PHYH: variants seen among roughly 807,000 people sequenced by gnomAD.
The protein encoded by PHYH is phytanoyl-CoA dioxygenase, peroxisomal.
A neutral mutation model predicts 38.5 loss-of-function variants in PHYH; 32 were observed. The observed-to-expected ratio is 0.83, with a 90% confidence interval of 0.63 to 1.12. The LOEUF (loss-of-function observed/expected upper bound fraction) is 1.12, where lower values mean the gene tolerates loss of function less well. PHYH is among the 50% of genes most tolerant of loss of function. PHYH has a pLI of 0.00. For synonymous variants in PHYH, 166 were observed against 157.9 expected, an observed-to-expected ratio of 1.05 and a Z score of -0.38; for missense variants, 426 against 434.8, an observed-to-expected ratio of 0.98 and a Z score of 0.18.
intron 1 of PHYH, 121 bp downstream of exon 1, chr10:13,299,847 C>G: frequency 7.5e-7 from 1 of 1,330,846 alleles, no homozygotes; most frequent in Non-Finnish European, 9.6e-7. Context: ...CGGCGCTGAG[C>G]GAGGAGGCGC....
rs1835331825 is a variant in PHYH at position 13,278,135 on chromosome 10, A to G, written c.*166T>C. 7.8e-6 allele frequency: 5 copies of G among 644,142 alleles called. No homozygotes were observed. The East Asian group carries it at 1.4e-4, about 18-fold the overall frequency. The allele number at this position is 644,142 out of a possible 1,614,324, so 39.9% of individuals were successfully genotyped here. On this transcript the variant is annotated 3_prime_UTR_variant, in exon 9 of 9. Coordinates refer to ENST00000263038, the MANE Select transcript of PHYH (RefSeq NM_006214.4). ...TGTTTTTTTTTTCCATTAAAGCAAC[A>G]CCATTGTGCTGCAAAACTAACTCTA...
At chr10:13,281,424 T>C (rs891265059) in intron 7 of PHYH, among the ~76,000 whole-genome samples, 2 of 152,100 alleles carry the variant, frequency 1.3e-5, no homozygotes, top group Admixed American at 1.3e-4. Flanking sequence ...AGCATTTTAT[T>C]TTCCTAATGA....
rs372363923 is a variant in PHYH, at chr10:13,278,286, T to C, written c.*15A>G. 4.3e-5 allele frequency: 68 copies of C among 1,585,796 alleles called. No individual in the cohort carries two copies. The highest frequency in any genetic ancestry group is 1.3e-4 in the African/African-American group (10 of 74,386). ...TTTTGGTTTTCTGTTGAAAGAGTTA[T>C]AGCAGATGGCTATTTCAAAGATTGG... On this transcript the variant is annotated 3_prime_UTR_variant, in exon 9 of 9. Transcript: ENST00000263038.
At chr10:13,290,661 G>C (rs766072804) in intron 5 of PHYH, among the ~76,000 whole-genome samples, 3 of 152,084 alleles carry the variant, frequency 2.0e-5, no homozygotes, top group Non-Finnish European at 4.4e-5. Flanking sequence ...GCAGCCTCCT[G>C]AGTAGTTGGG....
rs938578559 is a variant in PHYH at position 13,300,043 on chromosome 10, G to T, written c.-1C>A. The T allele has an allele frequency of 2.6e-6, 4 of 1,530,680 alleles. No homozygotes were observed. Among genetic ancestry groups the T allele is most frequent in the Middle Eastern group, 1.8e-4 (1 of 5,470 alleles). The allele number at this position is 1,530,680 out of a possible 1,614,324, so 94.8% of individuals were successfully genotyped here. A position where few individuals can be genotyped will look rare whatever the true frequency, so the allele number is the denominator to read the frequency against. The stretch of plus-strand genomic sequence containing the variant: ...GGGCGGCGGCGCGAAGCTGCTCCAT[G>T]GCTGCGGCGCGGGGAACCCCCACCC... On this transcript the variant is annotated 5_prime_UTR_variant, in exon 1 of 9. Coordinates refer to ENST00000263038, the MANE Select transcript of PHYH (RefSeq NM_006214.4).
intron 6 of PHYH, among the ~76,000 whole-genome samples, chr10:13,288,138 C>T (rs1251826053): frequency 3.9e-5 from 6 of 152,082 alleles, no homozygotes; most frequent in Non-Finnish European, 7.4e-5. Context: ...TGAGCAAGAC[C>T]CTGTCTCAAA....
In PHYH at chr10:13,291,790, T is replaced by G. The variant is rs185111222; in HGVS notation, c.496+41A>C. On this transcript the variant is annotated intron_variant, in intron 5 of 8. Coordinates refer to ENST00000263038, the MANE Select transcript of PHYH (RefSeq NM_006214.4). ...TACTGCACCCAGCCAACCTTACACA[T>G]TTTAATGAAACCATTTTTTTTTCTT... 1,217 of 1,409,742 alleles carry G rather than the reference T, an allele frequency of 8.6e-4. 5 individuals are homozygous for G. The African/African-American group carries it at 0.013, about 15-fold the overall frequency. 87.3% of individuals were successfully genotyped at this position (1,409,742 alleles called of 1,614,324 possible).
intron 5 of PHYH, chr10:13,291,574 G>A (rs536827389): frequency 6.1e-6 from 3 of 490,398 alleles, no homozygotes; most frequent in Admixed American, 3.3e-5. Flanking sequence ...TCAACTCCTG[G>A]GCTCAAGTGA....
At position 13,281,042 on chromosome 10, in the gene PHYH, G is replaced by GT. The variant is rs774386869; in HGVS notation, c.896dup (p.Asn299LysfsTer12). 6.2e-7 allele frequency: 1 copy of GT among 1,614,010 alleles called. No individual in the cohort carries two copies. The highest frequency in any genetic ancestry group is 1.3e-5 in the African/African-American group (1 of 75,050). ...CTATTCCTACAACTTCCTTCTCGAT[G>GT]TTTTCTTGACTGGTGCCCTTCACGT... On this transcript the variant is annotated frameshift_variant, in exon 8 of 9. Coordinates refer to ENST00000263038, the MANE Select transcript of PHYH (RefSeq NM_006214.4). LOFTEE classifies it high-confidence loss of function.
At chr10:13,282,797 T>G (rs576844043) in intron 7 of PHYH, among the ~76,000 whole-genome samples, 1 of 152,164 alleles carries the variant, frequency 6.6e-6, no homozygotes, top group Non-Finnish European at 1.5e-5. Context: ...TTGATTTTTT[T>G]AAATTTCGCA....
At chr10:13,290,858 A>G (rs1275648204) in intron 5 of PHYH, among the ~76,000 whole-genome samples, 1 of 152,164 alleles carries the variant, frequency 6.6e-6, no homozygotes, top group Non-Finnish European at 1.5e-5. Flanking sequence ...GCACTTTGGG[A>G]GGCCAAGGCA....
chr10:13,287,514 A>G (rs1373772356), intron 6 of PHYH, among the ~76,000 whole-genome samples: 1 of 152,070 alleles, frequency 6.6e-6, no homozygotes, highest in Admixed American at 6.6e-5. Context: ...CTGCTCCCCA[A>G]AATACACCCC....
chr10:13,285,283 A>G (rs538354280), intron 6 of PHYH, among the ~76,000 whole-genome samples: 43 of 151,888 alleles, frequency 2.8e-4, no homozygotes, highest in African/African-American at 1.0e-3. Context: ...TCCCAGGTTC[A>G]GGCAATTCTC....
chr10:13,287,948 G>A (rs1336067842), intron 6 of PHYH, among the ~76,000 whole-genome samples: 2 of 152,162 alleles, frequency 1.3e-5, no homozygotes, highest in African/African-American at 2.4e-5. Flanking sequence ...GGGAGGCCGA[G>A]GTGAACAGAT....
In PHYH at chr10:13,283,673, G is replaced by A. The variant is rs1191392031; in HGVS notation, c.828+17C>T. 6.2e-7 allele frequency: 1 copy of A among 1,613,232 alleles called. No homozygotes were observed. Among genetic ancestry groups the A allele is most frequent in the Non-Finnish European group, 8.5e-7 (1 of 1,179,176 alleles). On this transcript the variant is annotated intron_variant, in intron 7 of 8. Transcript: ENST00000263038. ...AACCCACACTTCTGCAGCAGGTGCA[G>A]CAATGTGAATGCTTACCTTCCGGAA...
At chr10:13,281,818 G>A (rs1039844359) in intron 7 of PHYH, among the ~76,000 whole-genome samples, 1 of 152,230 alleles carries the variant, frequency 6.6e-6, no homozygotes, top group Non-Finnish European at 1.5e-5. Context: ...TTTCTAGGGA[G>A]TGGAGTCACA....
chr10:13,298,405 A>G (rs1447349164), intron 1 of PHYH, among the ~76,000 whole-genome samples, 160 bp from the exon 2 acceptor site: 2 of 152,024 alleles, frequency 1.3e-5, no homozygotes, highest in Admixed American at 6.6e-5. Flanking sequence ...CATCTCTACT[A>G]AAAATACAAA....
chr10:13,295,019 C>T, intron 3 of PHYH: 1 of 316,148 alleles, frequency 3.2e-6, no homozygotes, highest in South Asian at 2.9e-5. Flanking sequence ...AGTAAATTGC[C>T]CCAGGACACA....
chr10:13,284,487 A>C (rs1256588306), intron 6 of PHYH, among the ~76,000 whole-genome samples: 2 of 152,048 alleles, frequency 1.3e-5, no homozygotes, highest in Non-Finnish European at 2.9e-5. Context: ...GCAACCACCT[A>C]TCTCTTGGGC....
Sources: allele counts gnomAD v4.1 joint callset (sites outside exome capture counted in the v4.1 genomes callset), GRCh38; gene constraint gnomAD v4.1.1; transcripts MANE v1.5; gene names NCBI Gene and HGNC (gene_info 2026-07-23, HGNC 2026-07-21).